GALNTL6: variants seen among roughly 807,000 people sequenced by gnomAD.
The protein encoded by GALNTL6 is polypeptide N-acetylgalactosaminyltransferase like 6.
A neutral mutation model predicts 73.7 loss-of-function variants in GALNTL6; 46 were observed. The ratio of observed to expected loss-of-function variants is 0.62; its 90% confidence interval spans 0.49 to 0.80. The LOEUF is 0.80. Among genes scored for constraint, GALNTL6 ranks in the 30% least tolerant of loss-of-function variants. The pLI is 0.00. For missense variants in GALNTL6, 604 were observed against 755.0 expected (o/e 0.80, Z 2.34); for synonymous variants, 259 against 263.7 (o/e 0.98, Z 0.17).
chr4:172,163,628 T>C (rs1482961752), intron 2 of GALNTL6, among the ~76,000 whole-genome samples: 1 of 152,066 alleles, frequency 6.6e-6, no homozygotes, highest in Middle Eastern at 3.2e-3. Flanking sequence ...AGTATACTCA[T>C]GTATTTATTA....
intron 2 of GALNTL6, among the ~76,000 whole-genome samples, chr4:171,975,189 A>G (rs1292569378): frequency 6.6e-6 from 1 of 152,190 alleles, no homozygotes; most frequent in African/African-American, 2.4e-5. Flanking sequence ...TATTATAGGT[A>G]TTCCCATTTC....
At chr4:172,431,353 A>C (rs1731443289) in intron 5 of GALNTL6, among the ~76,000 whole-genome samples, 1 of 152,192 alleles carries the variant, frequency 6.6e-6, no homozygotes, top group South Asian at 2.1e-4. Context: ...CACATTAATC[A>C]AAATAATCGA....
At chr4:172,529,233 C>T (rs571157803) in intron 5 of GALNTL6, among the ~76,000 whole-genome samples, 27 of 151,508 alleles carry the variant, frequency 1.8e-4, no homozygotes, top group African/African-American at 6.5e-4. Flanking sequence ...TCTAAAGAAA[C>T]AGCCTTGCAA....
intron 5 of GALNTL6, among the ~76,000 whole-genome samples, chr4:172,736,947 C>T (rs990896038): frequency 6.6e-6 from 1 of 152,142 alleles, no homozygotes; most frequent in African/African-American, 2.4e-5. Context: ...CTAAGACGTG[C>T]CTTTGTTACT....
At chr4:172,621,713 C>A (rs1738966169) in intron 5 of GALNTL6, among the ~76,000 whole-genome samples, 1 of 152,156 alleles carries the variant, frequency 6.6e-6, no homozygotes, top group Non-Finnish European at 1.5e-5. Flanking sequence ...TGACAAATAA[C>A]TTTAATCTGA....
At chr4:172,172,999 A>AGT (rs1734881587) in intron 2 of GALNTL6, among the ~76,000 whole-genome samples, 1 of 152,206 alleles carries the variant, frequency 6.6e-6, no homozygotes, top group African/African-American at 2.4e-5. Context: ...GAAAGGCTTT[A>AGT]GTATATCCTT....
chr4:172,884,531 CAGAT>C (rs917515047), intron 8 of GALNTL6, among the ~76,000 whole-genome samples: 11 of 152,210 alleles, frequency 7.2e-5, no homozygotes, highest in Middle Eastern at 6.8e-3. Flanking sequence ...ATTTCTTTGT[CAGAT>C]AGATAGTTTG....
chr4:173,012,289 G>A (rs1403649410), intron 11 of GALNTL6, among the ~76,000 whole-genome samples: 1 of 152,146 alleles, frequency 6.6e-6, no homozygotes, highest in African/African-American at 2.4e-5. Flanking sequence ...GCCCAGCGCA[G>A]GATGTTAAAG....
intron 5 of GALNTL6, among the ~76,000 whole-genome samples, chr4:172,615,604 C>T (rs1738695442): frequency 6.6e-6 from 1 of 152,170 alleles, no homozygotes. Context: ...GTTTATTACA[C>T]TGCTCTTCAC....
At chr4:171,991,708 TTA>T (rs1176151096) in intron 2 of GALNTL6, among the ~76,000 whole-genome samples, 4 of 108,600 alleles carry the variant, frequency 3.7e-5, no homozygotes, top group Admixed American at 1.2e-4. Context: ...TTGAGTTTGA[TTA>T]TATGTGTGTG....
chr4:172,152,201 C>A (rs1243937549), intron 2 of GALNTL6, among the ~76,000 whole-genome samples: 1 of 152,130 alleles, frequency 6.6e-6, no homozygotes, highest in Non-Finnish European at 1.5e-5. Context: ...TGGTCTCAAA[C>A]TCCTGACCTC....
intron 2 of GALNTL6, among the ~76,000 whole-genome samples, chr4:172,138,871 T>C: frequency 6.6e-6 from 1 of 152,154 alleles, no homozygotes; most frequent in East Asian, 1.9e-4. Flanking sequence ...TTCTAAGTTG[T>C]CTCTCATTTT....
intron 2 of GALNTL6, among the ~76,000 whole-genome samples, chr4:172,079,294 G>T (rs900843125): frequency 6.6e-6 from 1 of 151,864 alleles, no homozygotes; most frequent in Admixed American, 6.6e-5. Context: ...TGTAGATTTG[G>T]ATAATCATTT....
At chr4:172,382,901 G>GT (rs74311265) in intron 5 of GALNTL6, among the ~76,000 whole-genome samples, 1 of 151,726 alleles carries the variant, frequency 6.6e-6, no homozygotes, top group Non-Finnish European at 1.5e-5. Flanking sequence ...TTAAAGGACT[G>GT]TTTTTTCCCC....
intron 7 of GALNTL6, among the ~76,000 whole-genome samples, chr4:172,856,147 G>T (rs553029614): frequency 1.3e-5 from 2 of 152,264 alleles, no homozygotes; most frequent in East Asian, 3.9e-4. Flanking sequence ...AACGTAGTTG[G>T]TCCTTCTTGC....
At chr4:172,992,319 G>T (rs149785501) in intron 10 of GALNTL6, among the ~76,000 whole-genome samples, 1 of 152,138 alleles carries the variant, frequency 6.6e-6, no homozygotes, top group Non-Finnish European at 1.5e-5. Context: ...TCACAGAAGC[G>T]GTGTGTAACT....
At chr4:172,210,995 A>T (rs1302088303) in intron 2 of GALNTL6, among the ~76,000 whole-genome samples, 2 of 152,154 alleles carry the variant, frequency 1.3e-5, no homozygotes, top group African/African-American at 4.8e-5. Context: ...GTTGTTCCAT[A>T]TTTAGCCATT....
Position 172,311,641 on chromosome 4 carries a change from C to G in GALNTL6, c.275C>G (p.Pro92Arg). 6.2e-7 allele frequency: 1 copy of G among 1,609,870 alleles called. No homozygotes were observed. The highest frequency in any genetic ancestry group is 8.5e-7 in the Non-Finnish European group (1 of 1,177,910). ...AAAGGTGAACATGGGAAACCTTACC[C>G]CCTTACTGAAGAGGACCATGATGAC... ...SGKGEHGKPY[P>R]LTEEDHDDSA... Residue 92 changes from proline (P) to arginine (R), a missense_variant, in exon 4 of 13, where the codon CCC (proline) becomes CGC (arginine). Pro to Arg is a moderately radical substitution (Grantham distance 103). Around this residue, in one of 5 missense-constraint regions of GALNTL6, gnomAD observed 141 missense variants for 156.6 expected, o/e 0.90. Coordinates refer to ENST00000506823, the MANE Select transcript of GALNTL6 (RefSeq NM_001034845.3).
In GALNTL6 at chr4:172,917,569, C is replaced by T. The variant is rs1015036655; in HGVS notation, c.1042-13592C>T. Among the ~76,000 whole-genome samples the T allele has an allele frequency of 5.3e-5, 8 of 152,188 alleles. No homozygotes were observed. The East Asian group carries it at 1.5e-3, about 29-fold the overall frequency. On this transcript the variant is annotated intron_variant, in intron 8 of 12. Coordinates refer to ENST00000506823, the MANE Select transcript of GALNTL6 (RefSeq NM_001034845.3). ...ATTTACACGAAAAAAACAAACAACC[C>T]CATCAAAAAGTGGGCGAAAGACATG...
Sources: allele counts gnomAD v4.1 joint callset (sites outside exome capture counted in the v4.1 genomes callset), GRCh38; gene constraint gnomAD v4.1.1; regional missense constraint gnomAD v4.1.1; transcripts MANE v1.5; gene names NCBI Gene and HGNC (gene_info 2026-07-23, HGNC 2026-07-21).